Variants in CACNB4 observed in about 807,000 individuals in gnomAD.
CACNB4 encodes the protein voltage-dependent L-type calcium channel subunit beta-4.
In CACNB4, 32 loss-of-function variants were observed where a neutral mutation model predicts 71.2. That is an observed-to-expected ratio of 0.45 (90% CI 0.34 to 0.60). The LOEUF is 0.60. CACNB4 is among the 20% of genes least tolerant of loss of function. The pLI is 0.01. For synonymous variants in CACNB4, 231 were observed against 236.9 expected (o/e 0.97, Z 0.23); for missense variants, 464 against 647.9 (o/e 0.72, Z 3.08).
chr2:151,895,807 G>A (rs764329014), intron 2 of CACNB4, among the ~76,000 whole-genome samples: 1 of 149,696 alleles, frequency 6.7e-6, no homozygotes, highest in Admixed American at 6.7e-5. Flanking sequence ...CACTTACTAT[G>A]TCCCATGATT....
intron 2 of CACNB4, among the ~76,000 whole-genome samples, chr2:151,907,726 A>G (rs2099855154): frequency 6.6e-6 from 1 of 152,202 alleles, no homozygotes; most frequent in Non-Finnish European, 1.5e-5. Context: ...CATCTTGGCC[A>G]TTCTTCCTGT....
chr2:151,985,629 T>C (rs1681312571), intron 2 of CACNB4, among the ~76,000 whole-genome samples: 1 of 152,082 alleles, frequency 6.6e-6, no homozygotes, highest in South Asian at 2.1e-4. Context: ...TTTTAATCTG[T>C]TAATTTGATA....
At position 151,876,465 on chromosome 2, in the gene CACNB4, C is replaced by T. The variant is rs1199094751; in HGVS notation, c.482G>A (p.Arg161Gln). 2.5e-6 allele frequency: 4 copies of T among 1,603,452 alleles called. No individual in the cohort carries two copies. The highest frequency in any genetic ancestry group is 1.7e-5 in the Admixed American group (1 of 59,350). The stretch of plus-strand genomic sequence containing the variant: ...TCCTCTTTTTTGTTCTTGCTGGATC[C>T]GTATGTTCTCCAATCTGAGTGGACT... ...IPSPLRLENI[R>Q]IQQEQKRGRF... Residue 161 changes from arginine (R) to glutamine (Q), a missense_variant, in exon 5 of 14, where the codon CGG (arginine) becomes CAG (glutamine). This residue lies in a region of CACNB4 where 299 missense variants were observed against 471.7 expected (regional missense o/e 0.63). Coordinates refer to ENST00000539935, the MANE Select transcript of CACNB4 (RefSeq NM_000726.5).
intron 2 of CACNB4, among the ~76,000 whole-genome samples, chr2:152,026,816 C>G (rs1684003062): frequency 1.3e-5 from 2 of 152,194 alleles, no homozygotes; most frequent in Non-Finnish European, 2.9e-5. Flanking sequence ...ACTGGTCTTA[C>G]TGAGGTCACC....
At chr2:152,091,742 G>A (rs774472815) in intron 2 of CACNB4, among the ~76,000 whole-genome samples, 2 of 152,184 alleles carry the variant, frequency 1.3e-5, no homozygotes, top group Non-Finnish European at 2.9e-5. Flanking sequence ...GAGGGCCACT[G>A]CCTGCAGCTT....
At chr2:152,087,856 G>C (rs1049519273) in intron 2 of CACNB4, among the ~76,000 whole-genome samples, 4 of 152,086 alleles carry the variant, frequency 2.6e-5, no homozygotes, top group African/African-American at 9.7e-5. Flanking sequence ...CTGCACTCCA[G>C]CCTGGGTGAC....
intron 11 of CACNB4, chr2:151,854,129 G>A (rs11678607): frequency 0.027 from 4,148 of 152,470 alleles, 51 homozygotes; most frequent in Middle Eastern, 0.034. Flanking sequence ...GCCATGTCCC[G>A]TGGCCCTTCC....
intron 2 of CACNB4, among the ~76,000 whole-genome samples, chr2:151,960,091 G>A (rs2099869265): frequency 6.6e-6 from 1 of 152,134 alleles, no homozygotes; most frequent in African/African-American, 2.4e-5. Context: ...TCCTTAAACT[G>A]TGAAAATGAA....
intron 2 of CACNB4, among the ~76,000 whole-genome samples, chr2:152,023,240 T>G (rs768889353): frequency 6.6e-6 from 1 of 151,984 alleles, no homozygotes; most frequent in Non-Finnish European, 1.5e-5. Context: ...TGGGGGATAC[T>G]GCCCCCATGA....
chr2:151,998,936 T>C (rs746987571), intron 2 of CACNB4, among the ~76,000 whole-genome samples: 6 of 152,128 alleles, frequency 3.9e-5, no homozygotes, highest in Admixed American at 6.6e-5. Context: ...CTTGGTGAGC[T>C]TCACCCTCAC....
intron 2 of CACNB4, chr2:151,936,338 G>C (rs2099862918): frequency 1.3e-5 from 2 of 152,194 alleles, no homozygotes; most frequent in South Asian, 4.1e-4. Flanking sequence ...ATCATGTTTA[G>C]TCTCCCAGGA....
chr2:151,865,343 A>G (rs2099842795), intron 9 of CACNB4, among the ~76,000 whole-genome samples: 1 of 151,874 alleles, frequency 6.6e-6, no homozygotes, highest in African/African-American at 2.4e-5. Context: ...ATGTGTTCTT[A>G]GGCTAAAAGC....
chr2:152,031,906 C>T (rs912858003), intron 2 of CACNB4, among the ~76,000 whole-genome samples: 1 of 152,122 alleles, frequency 6.6e-6, no homozygotes, highest in African/African-American at 2.4e-5. Flanking sequence ...AGGGAAGCAC[C>T]GTGCTGACAG....
chr2:151,930,031 C>T (rs111604525), intron 2 of CACNB4, among the ~76,000 whole-genome samples: 2,757 of 151,990 alleles, frequency 0.018, 96 homozygotes, highest in African/African-American at 0.062. Flanking sequence ...AAAATAAATT[C>T]GTGATAAAGA....
chr2:151,927,992 T>C (rs1578834609), intron 2 of CACNB4, among the ~76,000 whole-genome samples: 1 of 151,692 alleles, frequency 6.6e-6, no homozygotes. Flanking sequence ...GAGGCAGGAG[T>C]GGGCTGTGAG....
intron 2 of CACNB4, among the ~76,000 whole-genome samples, chr2:152,060,431 A>G (rs562917668): frequency 6.6e-6 from 1 of 152,366 alleles, no homozygotes; most frequent in South Asian, 2.1e-4. Context: ...TAAATTAAGC[A>G]TACCTCCTTT....
chr2:151,978,273 A>G (rs888329340), intron 2 of CACNB4, among the ~76,000 whole-genome samples: 1 of 152,164 alleles, frequency 6.6e-6, no homozygotes, highest in African/African-American at 2.4e-5. Context: ...GAAATTAATG[A>G]GTTAAGATAT....
chr2:151,865,049 G>T (rs145740216), intron 9 of CACNB4, among the ~76,000 whole-genome samples: 1 of 152,270 alleles, frequency 6.6e-6, no homozygotes, highest in East Asian at 1.9e-4. Context: ...AATTATTACT[G>T]GTGTTTGAGT....
Position 152,004,544 on chromosome 2 carries a change from C to T in CACNB4, c.147+93786G>A, listed in dbSNP as rs953589381. On this transcript the variant is annotated intron_variant, in intron 2 of 13. Coordinates refer to ENST00000539935, the MANE Select transcript of CACNB4 (RefSeq NM_000726.5). The stretch of plus-strand genomic sequence containing the variant: ...TACTTTACATACATACACACACACA[C>T]ACACACACACACACACACACACACA... 5.0e-4 allele frequency among the ~76,000 whole-genome samples: 76 copies of T among 150,622 alleles called. 2 individuals carry two copies. Among genetic ancestry groups the T allele is most frequent in the East Asian group, 3.7e-3 (19 of 5,140 alleles).
Sources: gnomAD v4.1 joint callset for allele counts (sites outside exome capture counted in the v4.1 genomes callset) on GRCh38, gnomAD v4.1.1 for gene constraint, gnomAD v4.1.1 regional missense constraint, MANE v1.5 for transcripts, NCBI Gene and HGNC (gene_info 2026-07-23, HGNC 2026-07-21) for gene names.